SLC25A53: variants seen among roughly 807,000 people sequenced by gnomAD.
The protein encoded by SLC25A53 is mitochondrial carrier triple repeat protein 6.
SLC25A53 carries 5 observed loss-of-function variants against 15.0 expected under a neutral mutation model. The ratio of observed to expected loss-of-function variants is 0.33; its 90% confidence interval spans 0.17 to 0.70. SLC25A53 has a LOEUF of 0.70. Among genes scored for constraint, SLC25A53 ranks in the 30% least tolerant of loss-of-function variants. SLC25A53 has a pLI of 0.67. For missense variants in SLC25A53, 216 were observed against 241.6 expected (o/e 0.89, Z 0.70); for synonymous variants, 95 against 100.0 (o/e 0.95, Z 0.30).
At chrX:104,121,830 TGAA>T (rs1556362771) in intron 1 of SLC25A53, among the ~76,000 whole-genome samples, 1 of 94,483 alleles carries the variant, frequency 1.1e-5, no homozygotes, top group African/African-American at 4.0e-5. Context: ...CACATTTTGA[TGAA>T]GTATTTTAAA....
At chrX:104,150,492 C>G (rs1175663266) in intron 1 of SLC25A53, among the ~76,000 whole-genome samples, 2 of 111,498 alleles carry the variant, frequency 1.8e-5, no homozygotes, top group African/African-American at 6.5e-5. Context: ...CTGCCACTAT[C>G]AGACAAGGCC....
intron 1 of SLC25A53, among the ~76,000 whole-genome samples, chrX:104,147,419 A>G (rs1221545231): frequency 1.3e-4 from 14 of 111,280 alleles, no homozygotes; most frequent in African/African-American, 3.3e-4. Flanking sequence ...AACACCAAAA[A>G]CAATGGCAAC....
intron 1 of SLC25A53, among the ~76,000 whole-genome samples, chrX:104,117,880 C>A (rs1171433448): frequency 2.7e-5 from 3 of 112,261 alleles, no homozygotes; most frequent in African/African-American, 9.7e-5. Context: ...GCTACACCTA[C>A]CCCCATCCTC....
chrX:104,114,919 G>A (rs1362858064), intron 1 of SLC25A53: 2 of 1,197,997 alleles, frequency 1.7e-6, no homozygotes, highest in Non-Finnish European at 2.3e-6. Flanking sequence ...AGAAATAGAT[G>A]ATACCCTTGA....
intron 1 of SLC25A53, chrX:104,114,075 C>T (rs1208147789): frequency 9.1e-6 from 11 of 1,208,991 alleles, no homozygotes; most frequent in Non-Finnish European, 1.2e-5. Flanking sequence ...AAAGCGCGAG[C>T]ATCTTGTTGT....
At chrX:104,126,166 A>C (rs1385661762) in intron 1 of SLC25A53, among the ~76,000 whole-genome samples, 4 of 110,298 alleles carry the variant, frequency 3.6e-5, no homozygotes, top group Admixed American at 9.7e-5. Flanking sequence ...AAAATTAGCC[A>C]GGTATGGTGG....
In SLC25A53 at chrX:104,100,330, C is replaced by G. The variant is rs1320932042; in HGVS notation, c.*4004G>C. The G allele has an allele frequency of 9.1e-6, 1 of 110,452 alleles. No individual in the cohort carries two copies. The highest frequency in any genetic ancestry group is 3.3e-5 in the African/African-American group (1 of 30,449). 9.1% of individuals were successfully genotyped at this position (110,452 alleles called of 1,213,427 possible). On this transcript the variant is annotated 3_prime_UTR_variant, in exon 2 of 2. Coordinates refer to ENST00000594199, the MANE Select transcript of SLC25A53 (RefSeq NM_001012755.5). ...TATTCTTTTTTTTGACTTTTTATAC[C>G]AAGTAATTTTAGTGTTAAATTGTAT...
In SLC25A53 at chrX:104,101,819, G is replaced by A. The variant is rs2075282055; in HGVS notation, c.*2515C>T. On this transcript the variant is annotated 3_prime_UTR_variant, in exon 2 of 2. Coordinates refer to ENST00000594199, the MANE Select transcript of SLC25A53 (RefSeq NM_001012755.5). ...AATGGGGAGAAACATTAATAATAGG[G>A]GAATTAGGGTAAAGGGGACATGGGT... The A allele has an allele frequency of 9.0e-6, 1 of 111,527 alleles. No individual in the cohort carries two copies. Among genetic ancestry groups the A allele is most frequent in the South Asian group, 3.8e-4 (1 of 2,633 alleles). The allele number at this position is 111,527 out of a possible 1,213,427, so 9.2% of individuals were successfully genotyped here.
chrX:104,156,666 A>T (rs1177965392), intron 1 of SLC25A53, among the ~76,000 whole-genome samples: 1 of 108,919 alleles, frequency 9.2e-6, no homozygotes, highest in Non-Finnish European at 1.9e-5. Flanking sequence ...GGATTCACAC[A>T]TCTCAGTGTC....
At chrX:104,144,845 A>G (rs1556368286) in intron 1 of SLC25A53, among the ~76,000 whole-genome samples, 1 of 111,607 alleles carries the variant, frequency 9.0e-6, no homozygotes, top group East Asian at 2.8e-4. Context: ...AAAGAGATTT[A>G]GACTCTGACA....
At chrX:104,148,917 CCA>C (rs2075477310) in intron 1 of SLC25A53, among the ~76,000 whole-genome samples, 1 of 112,377 alleles carries the variant, frequency 8.9e-6, no homozygotes, top group African/African-American at 3.2e-5. Flanking sequence ...ACAAAAAACT[CCA>C]CACACTTCTG....
chrX:104,136,744 T>C (rs1337463786), intron 1 of SLC25A53, among the ~76,000 whole-genome samples: 2 of 111,991 alleles, frequency 1.8e-5, no homozygotes, highest in Non-Finnish European at 3.8e-5. Flanking sequence ...ATCATATCCT[T>C]CTCCATGTCC....
chrX:104,136,898 A>G (rs2147876644), intron 1 of SLC25A53, among the ~76,000 whole-genome samples: 1 of 112,380 alleles, frequency 8.9e-6, no homozygotes, highest in South Asian at 3.7e-4. Context: ...AATGATGAAC[A>G]AAACCAGTTG....
intron 1 of SLC25A53, among the ~76,000 whole-genome samples, chrX:104,106,090 C>T (rs1415287261): frequency 3.6e-5 from 4 of 111,577 alleles, no homozygotes; most frequent in Non-Finnish European, 7.5e-5. Context: ...CCAGTAGTGA[C>T]TTACACAGTG....
chrX:104,154,649 T>C (rs1556371054), intron 1 of SLC25A53, among the ~76,000 whole-genome samples: 1 of 112,188 alleles, frequency 8.9e-6, no homozygotes, highest in Non-Finnish European at 1.9e-5. Flanking sequence ...TATTATTCAG[T>C]CTTCAAAAAT....
chrX:104,131,276 C>T (rs1385730548), intron 1 of SLC25A53: 3 of 111,852 alleles, frequency 2.7e-5, no homozygotes, highest in Admixed American at 9.5e-5. Context: ...ACAACCTATC[C>T]TTGGAAGTCA....
rs543160406 is a variant in SLC25A53 at position 104,140,534 on chromosome X, T to C, written c.-32+16344A>G. ...CTCTGTAGAACTAGGTTAAAACTCA[T>C]AGCTCCTGCAAGAAGCCTTCCCTGG... On this transcript the variant is annotated intron_variant, in intron 1 of 1. Transcript: ENST00000594199. Among the ~76,000 whole-genome samples, 67 of 111,502 alleles carry C rather than the reference T, an allele frequency of 6.0e-4. 1 individual carries two copies. The South Asian group carries it at 0.024, about 40-fold the overall frequency.
intron 1 of SLC25A53, among the ~76,000 whole-genome samples, chrX:104,122,300 T>G (rs1298255233): frequency 1.1e-5 from 1 of 94,720 alleles, no homozygotes; most frequent in African/African-American, 3.9e-5. Flanking sequence ...GATTTCTTTT[T>G]TTTGTTTTTT....
At chrX:104,122,572 GC>G (rs1556363164) in intron 1 of SLC25A53, among the ~76,000 whole-genome samples, 1 of 110,759 alleles carries the variant, frequency 9.0e-6, no homozygotes, top group Non-Finnish European at 1.9e-5. Context: ...GACTACTTCA[GC>G]CCCCTTTTAT....
Sources: gnomAD v4.1 joint callset for allele counts (sites outside exome capture counted in the v4.1 genomes callset) on GRCh38, gnomAD v4.1.1 for gene constraint, MANE v1.5 for transcripts, NCBI Gene and HGNC (gene_info 2026-07-23, HGNC 2026-07-21) for gene names.